The following CACNA1D variants were observed in gnomAD, a reference collection of about 807,000 sequenced individuals.
CACNA1D encodes the protein voltage-dependent L-type calcium channel subunit alpha-1D.
In CACNA1D, 55 loss-of-function variants were observed where a neutral mutation model predicts 257.1. The observed-to-expected ratio is 0.21, with a 90% confidence interval of 0.17 to 0.27. The LOEUF is 0.27. Ranked by LOEUF, CACNA1D falls within the 10% of genes least tolerant of loss-of-function variation. The probability of loss-of-function intolerance (pLI) is 1.00; values close to 1 mark genes in which losing one functional copy is unlikely to be tolerated. For missense variants in CACNA1D, 1,876 were observed against 2,784.0 expected, an observed-to-expected ratio of 0.67 and a Z score of 7.34; for synonymous variants, 980 against 1,014.9, an observed-to-expected ratio of 0.97 and a Z score of 0.65.
intron 15 of CACNA1D, among the ~76,000 whole-genome samples, chr3:53,728,394 C>T (rs965997652): frequency 6.6e-6 from 1 of 152,164 alleles, no homozygotes; most frequent in East Asian, 1.9e-4. Flanking sequence ...CCGCCTTGGC[C>T]TCCCAAAGTG....
intron 7 of CACNA1D, among the ~76,000 whole-genome samples, chr3:53,672,801 T>C (rs1330212833): frequency 6.7e-6 from 1 of 150,336 alleles, no homozygotes; most frequent in East Asian, 2.0e-4. Context: ...TGTGTGTGTG[T>C]GTGTGTGTGT....
chr3:53,625,154 C>T (rs1357062827), intron 3 of CACNA1D, among the ~76,000 whole-genome samples: 1 of 152,142 alleles, frequency 6.6e-6, no homozygotes, highest in Non-Finnish European at 1.5e-5. Flanking sequence ...ATCTATGAGG[C>T]AAAGACCATA....
At chr3:53,674,076 G>A in intron 8 of CACNA1D, 1 of 566,160 alleles carries the variant, frequency 1.8e-6, no homozygotes, top group Non-Finnish European at 3.2e-6. Context: ...TGAACGTGTA[G>A]AGGTGGATTA....
chr3:53,809,965 CCT>C lies in CACNA1D; in HGVS notation c.5872-10_5872-9del, dbSNP rs2095587719. ...AGAACCTCTGGTCTCCCAACAGTCCCCTCTTTCCTCAGATCATGGCAGTTGCC... is the reference window on the plus strand; with the variant it reads ...AGAACCTCTGGTCTCCCAACAGTCCCCTTTCCTCAGATCATGGCAGTTGCC... On this transcript the variant is annotated splice_polypyrimidine_tract_variant and intron_variant, in intron 46 of 47. Transcript: ENST00000350061. The C allele has an allele frequency of 6.2e-7, 1 of 1,613,552 alleles. No homozygotes were observed. The highest frequency in any genetic ancestry group is 1.7e-5 in the Admixed American group (1 of 60,032).
intron 8 of CACNA1D, among the ~76,000 whole-genome samples, chr3:53,693,463 T>A (rs1317611691): frequency 6.3e-5 from 4 of 63,976 alleles, no homozygotes; most frequent in South Asian, 3.9e-4. Flanking sequence ...TTGCTGTTAT[T>A]TTTTTTTTTT....
intron 3 of CACNA1D, among the ~76,000 whole-genome samples, chr3:53,564,243 C>T (rs2107652222): frequency 6.6e-6 from 1 of 152,224 alleles, no homozygotes; most frequent in East Asian, 1.9e-4. Context: ...TCATTTCAAC[C>T]ACTGCCTCCT....
intron 3 of CACNA1D, among the ~76,000 whole-genome samples, chr3:53,583,841 G>A (rs3774458): frequency 0.27 from 41,497 of 152,122 alleles, 5,726 homozygotes; most frequent in Middle Eastern, 0.33. Flanking sequence ...GTTTTATAAC[G>A]TGGTGGGTGA....
At chr3:53,733,061 C>A in intron 19 of CACNA1D, 99 bp downstream of exon 19, 1 of 1,227,862 alleles carries the variant, frequency 8.1e-7, no homozygotes, top group Non-Finnish European at 1.2e-6. Context: ...AAGTGGTTCA[C>A]AGCCCTTTCT....
intron 40 of CACNA1D, among the ~76,000 whole-genome samples, chr3:53,798,955 C>T (rs1036112962): frequency 1.3e-5 from 2 of 152,226 alleles, no homozygotes; most frequent in Non-Finnish European, 2.9e-5. Flanking sequence ...TGCCCACATG[C>T]TAAGAGGTGT....
At chr3:53,791,389 G>A (rs2106641957) in intron 40 of CACNA1D, 1 of 201,792 alleles carries the variant, frequency 5.0e-6, no homozygotes, top group East Asian at 1.2e-4. Context: ...ACAACTTCCT[G>A]ATGCTGGCCA....
intron 8 of CACNA1D, among the ~76,000 whole-genome samples, chr3:53,695,261 A>C (rs767178870): frequency 6.6e-6 from 1 of 152,148 alleles, no homozygotes; most frequent in Non-Finnish European, 1.5e-5. Flanking sequence ...CTGCCGAGTC[A>C]TTAGTCCATC....
Position 53,650,916 on chromosome 3 carries a change from AG to A in CACNA1D, c.623+1del. 1 of 1,599,490 alleles carries A rather than the reference AG, an allele frequency of 6.3e-7. No homozygotes were observed. The highest frequency in any genetic ancestry group is 1.1e-5 in the South Asian group (1 of 90,834). ...TACTGGATTTTGTTATAGTAATAGT[AG>A]GGTAAGTCTCTTTTACTTTGGGGAA... ...NLLDFVIVIVGLFSVILEQLT... is the reference protein window; with the variant it reads ...NLLDFVIVIVXLFSVILEQLT... On this transcript the variant is annotated frameshift_variant and splice_region_variant, in exon 4 of 48. Coordinates refer to ENST00000350061, the MANE Select transcript of CACNA1D (RefSeq NM_001128840.3). LOFTEE classifies it high-confidence loss of function.
chr3:53,598,952 A>G lies in CACNA1D; in HGVS notation c.484-51827A>G, dbSNP rs562241464. The stretch of plus-strand genomic sequence containing the variant: ...GTTTTCTTGAGGTCATGAGCAAATT[A>G]ACCAGTCAAGGAAGTAAATAAGTAA... On this transcript the variant is annotated intron_variant, in intron 3 of 47. Transcript: ENST00000350061. 1.4e-3 allele frequency among the ~76,000 whole-genome samples: 217 copies of G among 152,124 alleles called. 2 individuals carry two copies. The highest frequency in any genetic ancestry group is 4.5e-3 in the Admixed American group (69 of 15,290).
At chr3:53,767,789 A>G (rs138459890) in intron 30 of CACNA1D, among the ~76,000 whole-genome samples, 193 of 152,140 alleles carry the variant, frequency 1.3e-3, no homozygotes, top group African/African-American at 4.4e-3. Flanking sequence ...AATTTGTAAG[A>G]TATTTTGGCA....
Position 53,811,265 on chromosome 3 carries a change from C to T in CACNA1D, c.6345C>T (p.Ala2115=). The T allele has an allele frequency of 1.2e-6, 2 of 1,613,958 alleles. No homozygotes were observed. Among genetic ancestry groups the T allele is most frequent in the South Asian group, 1.1e-5 (1 of 91,082 alleles). ...TLLNGNVRPR[A]NGDVGPLSHR... Reference sequence around the variant, plus strand: ...TTAATGGGAACGTGCGTCCCCGAGCCAACGGGGATGTGGGCCCCCTCTCAC... The same window carrying T: ...TTAATGGGAACGTGCGTCCCCGAGCTAACGGGGATGTGGGCCCCCTCTCAC... The change falls in exon 48 of 48, where the codon GCC becomes GCT. Residue 2115 remains alanine, a synonymous_variant. Coordinates refer to ENST00000350061, the MANE Select transcript of CACNA1D (RefSeq NM_001128840.3). The surrounding 1 kb of genome is among the most constrained non-coding windows in gnomAD (Gnocchi z 4.2).
intron 6 of CACNA1D, among the ~76,000 whole-genome samples, 171 bp from the exon 7 acceptor site, chr3:53,666,168 C>T (rs192589683): frequency 5.3e-5 from 8 of 152,276 alleles, no homozygotes; most frequent in East Asian, 1.9e-4. Context: ...TGGCAGATTC[C>T]GCTAAGGAGG....
chr3:53,774,688 A>G lies in CACNA1D; in HGVS notation c.4202+10A>G. On this transcript the variant is annotated intron_variant, in intron 34 of 47. Transcript: ENST00000350061. This position sits in a 1 kb window ranked among gnomAD's most constrained non-coding sequence, Gnocchi z 4.3. ...TGCTGCTGCTCTTCAGGTGACTGCA[A>G]CTGGCTTGGGCGGTGCTCCTGGGCA... 1 of 1,578,106 alleles carries G rather than the reference A, an allele frequency of 6.3e-7. No homozygotes were observed. Among genetic ancestry groups the G allele is most frequent in the South Asian group, 1.1e-5 (1 of 90,338 alleles).
At chr3:53,807,288 G>A (rs1019445909) in intron 45 of CACNA1D, among the ~76,000 whole-genome samples, 2 of 152,254 alleles carry the variant, frequency 1.3e-5, no homozygotes, top group African/African-American at 4.8e-5. Flanking sequence ...CCTGGGTGGT[G>A]CGTGGAGGGA....
At chr3:53,747,187 G>GGGC (rs2095178019) in intron 25 of CACNA1D, 115 bp from the exon 26 acceptor site, 3 of 743,394 alleles carry the variant, frequency 4.0e-6, no homozygotes, top group Non-Finnish European at 6.9e-6. Context: ...TGTGACAGGC[G>GGGC]GGCGGACTGA....
Sources: allele counts gnomAD v4.1 joint callset (sites outside exome capture counted in the v4.1 genomes callset), GRCh38; gene constraint gnomAD v4.1.1; non-coding constraint Gnocchi (gnomAD v3.1); transcripts MANE v1.5; gene names NCBI Gene and HGNC (gene_info 2026-07-23, HGNC 2026-07-21).